EGFR: variants seen among roughly 807,000 people sequenced by gnomAD.
EGFR encodes avian erythroblastic leukemia viral (v-erb-b) oncogene homolog.
A neutral mutation model predicts 143.0 loss-of-function variants in EGFR; 58 were observed. That is an observed-to-expected ratio of 0.41 (90% CI 0.33 to 0.50). The LOEUF (loss-of-function observed/expected upper bound fraction) is 0.50. Ranked by LOEUF, EGFR falls within the 20% of genes least tolerant of loss-of-function variation. The pLI is 0.39. For missense variants in EGFR, 1,307 were observed against 1,579.0 expected, an observed-to-expected ratio of 0.83 and a Z score of 2.92; for synonymous variants, 613 against 594.4, an observed-to-expected ratio of 1.03 and a Z score of -0.45.
At chr7:55,192,369 G>A (rs575453239) in intron 21 of EGFR, among the ~76,000 whole-genome samples, 14 of 152,196 alleles carry the variant, frequency 9.2e-5, no homozygotes, top group African/African-American at 2.6e-4. Context: ...AGGGGTGCGC[G>A]TCCCCTGTCA....
At chr7:55,196,770 C>CTTT (rs952126564) in intron 22 of EGFR, among the ~76,000 whole-genome samples, 2 of 148,604 alleles carry the variant, frequency 1.3e-5, no homozygotes, top group African/African-American at 4.9e-5. Context: ...GTAGGGAGTC[C>CTTT]TTTATTCATT....
At chr7:55,050,652 T>TC (rs1383626512) in intron 1 of EGFR, among the ~76,000 whole-genome samples, 1 of 152,130 alleles carries the variant, frequency 6.6e-6, no homozygotes, top group Non-Finnish European at 1.5e-5. Flanking sequence ...AAGGCCAGTC[T>TC]CCCCTGTAGG....
At chr7:55,152,712 C>T (rs2128934018) in intron 6 of EGFR, 48 bp downstream of exon 6, 1 of 1,512,662 alleles carries the variant, frequency 6.6e-7, no homozygotes, top group Non-Finnish European at 9.2e-7. Context: ...GGGGCTGCAC[C>T]CGCCCCACCC....
chr7:55,027,989 AAAATATATAT>A (rs1386236489), intron 1 of EGFR, among the ~76,000 whole-genome samples: 1,741 of 73,860 alleles, frequency 0.024, 21 homozygotes, highest in Middle Eastern at 0.062. Flanking sequence ...AAAAAAAAAA[AAAATATATAT>A]ATATATATAT....
intron 4 of EGFR, among the ~76,000 whole-genome samples, chr7:55,148,283 T>A (rs1335508211): frequency 4.6e-5 from 7 of 152,164 alleles, no homozygotes; most frequent in Non-Finnish European, 7.3e-5. Flanking sequence ...TATTTTTTTT[T>A]AATGAACCTG....
chr7:55,133,420 C>T lies in EGFR; in HGVS notation c.89-8866C>T, dbSNP rs543720236. On this transcript the variant is annotated intron_variant, in intron 1 of 27. Coordinates refer to ENST00000275493, the MANE Select transcript of EGFR (RefSeq NM_005228.5). ...CCAGCTCTCCAGTAACAAAGAGGGA[C>T]GTGAAGTCAGAGGGGAAGGGAGGTA... Among the ~76,000 whole-genome samples, 6 of 152,248 alleles carry T rather than the reference C, an allele frequency of 3.9e-5. No individual in the cohort carries two copies. In the East Asian group the frequency reaches 9.7e-4, roughly 25 times the overall value.
chr7:55,024,331 A>C (rs1364313203), intron 1 of EGFR, among the ~76,000 whole-genome samples: 1 of 152,242 alleles, frequency 6.6e-6, no homozygotes, highest in Non-Finnish European at 1.5e-5. Flanking sequence ...TACCAGTTTC[A>C]GCAGCTTGCT....
chr7:55,156,733 A>C, intron 9 of EGFR, 26 bp from the exon 10 acceptor site: 2 of 1,614,248 alleles, frequency 1.2e-6, no homozygotes, highest in Non-Finnish European at 1.7e-6. Context: ...ATTGGTGATC[A>C]ATAATCACCC....
intron 1 of EGFR, among the ~76,000 whole-genome samples, chr7:55,090,507 G>GTTT (rs762273330): frequency 3.2e-4 from 49 of 152,218 alleles, no homozygotes; most frequent in Non-Finnish European, 5.1e-4. Flanking sequence ...TTAGGATTCA[G>GTTT]ATATAATAAC....
In EGFR at chr7:55,100,361, C is replaced by T. The variant is rs570216693; in HGVS notation, c.89-41925C>T. On this transcript the variant is annotated intron_variant, in intron 1 of 27. Transcript: ENST00000275493. ...CACAGCTGTGGCTTGCACACAACCG[C>T]CATCTCTGCCCCAGCAGATGCTGTG... 2.0e-5 allele frequency among the ~76,000 whole-genome samples: 3 copies of T among 152,354 alleles called. No individual in the cohort carries two copies. In the East Asian group the frequency reaches 5.8e-4, roughly 29 times the overall value.
intron 13 of EGFR, among the ~76,000 whole-genome samples, chr7:55,162,881 C>G (rs1377113584): frequency 2.0e-5 from 3 of 152,302 alleles, no homozygotes; most frequent in Non-Finnish European, 4.4e-5. Context: ...ACCTCTGCCC[C>G]CTGAGTTCAG....
chr7:55,155,899 A>C lies in EGFR; in HGVS notation c.959A>C (p.Glu320Ala). The change falls in exon 8 of 28, where the codon GAA becomes GCA. Residue 320 changes from glutamate (E) to alanine (A), a missense_variant. Transcript: ENST00000275493. ...ACGADSYEME[E>A]DGVRKCKKCE... ...GGGGCCGACAGCTATGAGATGGAGGAAGACGGCGTCCGCAAGTGTAAGAAG... is the reference window on the plus strand; with the variant it reads ...GGGGCCGACAGCTATGAGATGGAGGCAGACGGCGTCCGCAAGTGTAAGAAG... The C allele has an allele frequency of 6.2e-7, 1 of 1,614,008 alleles. No individual in the cohort carries two copies. Among genetic ancestry groups the C allele is most frequent in the Non-Finnish European group, 8.5e-7 (1 of 1,180,026 alleles).
rs374117790 is a variant in EGFR at position 55,173,098 on chromosome 7, C to T, written c.2035C>T (p.Leu679=). 1 of 1,611,922 alleles carries T rather than the reference C, an allele frequency of 6.2e-7. No individual in the cohort carries two copies. Among genetic ancestry groups the T allele is most frequent in the Non-Finnish European group, 8.5e-7 (1 of 1,180,008 alleles). ...RRRHIVRKRT[L]RRLLQERELV... ...GCGCCACATCGTTCGGAAGCGCACG[C>T]TGCGGAGGCTGCTGCAGGAGAGGGA... Residue 679 remains leucine, a synonymous_variant, in exon 17 of 28, where the codon CTG becomes TTG. Coordinates refer to ENST00000275493, the MANE Select transcript of EGFR (RefSeq NM_005228.5).
chr7:55,146,616 T>TGGCGCCGTGCGGTG lies in EGFR; in HGVS notation c.448_449insGGGCGCCGTGCGGT (p.Phe150TrpfsTer23), dbSNP rs1562756905. 1 of 1,614,138 alleles carries TGGCGCCGTGCGGTG rather than the reference T, an allele frequency of 6.2e-7. No homozygotes were observed. The highest frequency in any genetic ancestry group is 1.3e-5 in the African/African-American group (1 of 75,046). On this transcript the variant is annotated frameshift_variant, in exon 4 of 28. Coordinates refer to ENST00000275493, the MANE Select transcript of EGFR (RefSeq NM_005228.5). LOFTEE classifies it high-confidence loss of function. ...TCCATTCTCCCGCAGAAATCCTGCATGGCGCCGTGCGGTTCAGCAACAACC... is the reference window on the plus strand; with the variant it reads ...TCCATTCTCCCGCAGAAATCCTGCATGGCGCCGTGCGGTGGGCGCCGTGCGGTTCAGCAACAACC...
chr7:55,181,444 A>G lies in EGFR; in HGVS notation c.2435A>G (p.Gln812Arg). Residue 812 changes from glutamine (Q) to arginine (R), a missense_variant, in exon 20 of 28, where the codon CAG (glutamine) becomes CGG (arginine). Physicochemically the swap from Gln to Arg is conservative, Grantham distance 43 (BLOSUM62 1). This residue lies in a region of EGFR where 348 missense variants were observed against 451.5 expected (regional missense o/e 0.77). Coordinates refer to ENST00000275493, the MANE Select transcript of EGFR (RefSeq NM_005228.5). ...VREHKDNIGS[Q>R]YLLNWCVQIA... is the part of the protein sequence containing the mutation. ...GAACACAAAGACAATATTGGCTCCC[A>G]GTACCTGCTCAACTGGTGTGTGCAG... The G allele has an allele frequency of 1.2e-6, 2 of 1,614,216 alleles. No individual in the cohort carries two copies. Among genetic ancestry groups the G allele is most frequent in the Non-Finnish European group, 1.7e-6 (2 of 1,180,026 alleles).
chr7:55,043,372 T>G (rs1432817759), intron 1 of EGFR, among the ~76,000 whole-genome samples: 1 of 152,124 alleles, frequency 6.6e-6, no homozygotes, highest in African/African-American at 2.4e-5. Flanking sequence ...GTTTGTTTTG[T>G]TTTTGAGACA....
chr7:55,176,485 T>A (rs1786595034), intron 19 of EGFR, among the ~76,000 whole-genome samples: 2 of 152,132 alleles, frequency 1.3e-5, no homozygotes, highest in South Asian at 4.1e-4. Context: ...TTTGGGAGGC[T>A]GAGGCAGGAG....
intron 1 of EGFR, among the ~76,000 whole-genome samples, chr7:55,099,589 C>T (rs913910775): frequency 6.6e-6 from 1 of 152,170 alleles, no homozygotes; most frequent in African/African-American, 2.4e-5. Flanking sequence ...GCAGAAGAGA[C>T]ACCGAGGGGT....
At chr7:55,136,315 T>A (rs1440141893) in intron 1 of EGFR, among the ~76,000 whole-genome samples, 1 of 152,176 alleles carries the variant, frequency 6.6e-6, no homozygotes, top group Non-Finnish European at 1.5e-5. Context: ...ATTAAATATA[T>A]GACTAAGCTA....
Sources: allele counts gnomAD v4.1 joint callset (sites outside exome capture counted in the v4.1 genomes callset), GRCh38; gene constraint gnomAD v4.1.1; regional missense constraint gnomAD v4.1.1; transcripts MANE v1.5; gene names NCBI Gene and HGNC (gene_info 2026-07-23, HGNC 2026-07-21).